Variants in SDK1 observed in about 807,000 individuals in gnomAD.
The protein encoded by SDK1 is sidekick cell adhesion molecule 1.
SDK1 carries 157 observed loss-of-function variants against 245.5 expected under a neutral mutation model. The ratio of observed to expected loss-of-function variants is 0.64; its 90% confidence interval spans 0.56 to 0.73. The LOEUF is 0.73. SDK1 is among the 30% of genes least tolerant of loss of function. The pLI is 0.00. For synonymous variants in SDK1, 1,647 were observed against 1,278.5 expected (o/e 1.29, Z -6.15); for missense variants, 3,583 against 3,002.3 (o/e 1.19, Z -4.52).
rs753905427 is a variant in SDK1 at position 3,951,713 on chromosome 7, G to A, written c.960-17G>A. On this transcript the variant is annotated splice_polypyrimidine_tract_variant and intron_variant, in intron 6 of 44. Coordinates refer to ENST00000404826, the MANE Select transcript of SDK1 (RefSeq NM_152744.4). ...CTGAGTCACAATCGTCGTCATGAAT[G>A]CCTTTCATTCCCACAGGCCTGTGGA... The A allele has an allele frequency of 1.9e-6, 3 of 1,610,136 alleles. No individual in the cohort carries two copies. In the East Asian group the frequency reaches 6.7e-5, roughly 36 times the overall value.
At chr7:3,614,931 C>T (rs535698792) in intron 1 of SDK1, among the ~76,000 whole-genome samples, 5 of 148,688 alleles carry the variant, frequency 3.4e-5, no homozygotes, top group Admixed American at 2.7e-4. Context: ...TTTTTCCTAC[C>T]AGCTCACAGT....
intron 1 of SDK1, among the ~76,000 whole-genome samples, chr7:3,394,478 T>A (rs1781841811): frequency 1.3e-5 from 2 of 152,184 alleles, no homozygotes; most frequent in South Asian, 4.1e-4. Context: ...CCAGTTTTTT[T>A]TCAAAATTGT....
intron 1 of SDK1, among the ~76,000 whole-genome samples, chr7:3,454,697 C>T (rs1780620930): frequency 6.6e-6 from 1 of 152,096 alleles, no homozygotes; most frequent in African/African-American, 2.4e-5. Context: ...ATTTTTATTG[C>T]TCAGGAGTAT....
At chr7:3,951,160 T>G (rs959979306) in intron 6 of SDK1, 126 bp downstream of exon 6, 6 of 711,426 alleles carry the variant, frequency 8.4e-6, no homozygotes, top group Non-Finnish European at 7.4e-6. Flanking sequence ...TTTGGCCGGG[T>G]GGGCCATGAA....
intron 2 of SDK1, among the ~76,000 whole-genome samples, chr7:3,632,741 A>T (rs1782336606): frequency 6.6e-6 from 1 of 152,226 alleles, no homozygotes. Context: ...TAAAAACATA[A>T]CCTCAGCTTG....
intron 1 of SDK1, among the ~76,000 whole-genome samples, chr7:3,607,406 A>G (rs75363536): frequency 3.9e-5 from 6 of 152,174 alleles, no homozygotes; most frequent in African/African-American, 4.8e-5. Context: ...CGACTATACT[A>G]TATATTTTCT....
At chr7:4,113,810 C>T (rs1321756508) in intron 24 of SDK1, among the ~76,000 whole-genome samples, 1 of 152,182 alleles carries the variant, frequency 6.6e-6, no homozygotes, top group African/African-American at 2.4e-5. Flanking sequence ...AAAATTAAGC[C>T]AAAATGTATT....
intron 1 of SDK1, among the ~76,000 whole-genome samples, chr7:3,499,074 A>G (rs1782113263): frequency 6.6e-6 from 1 of 152,252 alleles, no homozygotes; most frequent in South Asian, 2.1e-4. Context: ...TGTAATACAA[A>G]TGCATTCAGT....
At chr7:3,450,171 G>A (rs989739378) in intron 1 of SDK1, among the ~76,000 whole-genome samples, 1 of 152,216 alleles carries the variant, frequency 6.6e-6, no homozygotes, top group Admixed American at 6.5e-5. Flanking sequence ...TGGATCATAT[G>A]TATGTGCACA....
intron 1 of SDK1, among the ~76,000 whole-genome samples, chr7:3,359,479 C>T (rs889012283): frequency 6.6e-6 from 1 of 152,168 alleles, no homozygotes; most frequent in Non-Finnish European, 1.5e-5. Context: ...AAAAGAATCA[C>T]AGAGGCTAGT....
intron 20 of SDK1, among the ~76,000 whole-genome samples, chr7:4,074,905 TATATA>T (rs1780547326): frequency 6.8e-5 from 6 of 88,110 alleles, no homozygotes; most frequent in African/African-American, 4.2e-4. Context: ...TATATATATA[TATATA>T]TATATATTTT....
intron 40 of SDK1, among the ~76,000 whole-genome samples, chr7:4,229,857 A>G (rs1421696218): frequency 3.9e-5 from 6 of 152,134 alleles, no homozygotes; most frequent in Non-Finnish European, 7.3e-5. Context: ...ACTTGCTCAC[A>G]GTAAGCAGTA....
At chr7:3,805,183 A>G (rs368495091) in intron 4 of SDK1, among the ~76,000 whole-genome samples, 12 of 152,376 alleles carry the variant, frequency 7.9e-5, no homozygotes, top group East Asian at 3.9e-4. Flanking sequence ...ATTTTATGCT[A>G]CTAAAAAATA....
At chr7:3,314,389 G>T (rs1779615596) in intron 1 of SDK1, among the ~76,000 whole-genome samples, 1 of 152,194 alleles carries the variant, frequency 6.6e-6, no homozygotes. Context: ...TGTCATAGCT[G>T]TAGGAAATGT....
Position 3,894,420 on chromosome 7 carries a change from C to T in SDK1, c.848-56503C>T, listed in dbSNP as rs530139599. On this transcript the variant is annotated intron_variant, in intron 5 of 44. Transcript: ENST00000404826. ...TACTGGAAGCTCCTGACAGCCTCTG[C>T]AGGGCCTTGGTGCCAGGCTCCGGGG... is the stretch of plus-strand genomic sequence containing the variant. Among the ~76,000 whole-genome samples the T allele has an allele frequency of 2.7e-5, 4 of 150,822 alleles. No individual in the cohort carries two copies. In the South Asian group the frequency reaches 8.4e-4, roughly 32 times the overall value.
intron 4 of SDK1, among the ~76,000 whole-genome samples, chr7:3,674,241 C>G (rs955705239): frequency 6.6e-6 from 1 of 152,012 alleles, no homozygotes; most frequent in African/African-American, 2.4e-5. Context: ...TAAAGTTAGA[C>G]GACATGAGAT....
intron 40 of SDK1, among the ~76,000 whole-genome samples, chr7:4,228,532 G>A (rs994974913): frequency 6.6e-5 from 10 of 152,150 alleles, no homozygotes; most frequent in African/African-American, 1.7e-4. Context: ...TCTTCCAGCC[G>A]GGCATTGCTT....
At chr7:3,919,489 A>G (rs1779512151) in intron 5 of SDK1, among the ~76,000 whole-genome samples, 1 of 152,196 alleles carries the variant, frequency 6.6e-6, no homozygotes, top group Admixed American at 6.5e-5. Context: ...GGTCAGAGGA[A>G]CTGGAGTTGC....
At chr7:3,971,073 C>G (rs1008848250) in intron 11 of SDK1, among the ~76,000 whole-genome samples, 1 of 152,150 alleles carries the variant, frequency 6.6e-6, no homozygotes, top group African/African-American at 2.4e-5. Flanking sequence ...ACAACTCAAA[C>G]AAAAACACTT....
Sources: allele counts gnomAD v4.1 joint callset (sites outside exome capture counted in the v4.1 genomes callset), GRCh38; gene constraint gnomAD v4.1.1; transcripts MANE v1.5; gene names NCBI Gene and HGNC (gene_info 2026-07-23, HGNC 2026-07-21).